PLCE1: variants seen among roughly 807,000 people sequenced by gnomAD.
PLCE1 encodes the protein 1-phosphatidylinositol 4,5-bisphosphate phosphodiesterase epsilon-1.
In PLCE1, 119 loss-of-function variants were observed where a neutral mutation model predicts 242.8. The ratio of observed to expected loss-of-function variants is 0.49; its 90% CI spans 0.42 to 0.57. The LOEUF (loss-of-function observed/expected upper bound fraction) is 0.57. Among genes scored for constraint, PLCE1 ranks in the 20% least tolerant of loss-of-function variants. The pLI is 0.00. For synonymous variants in PLCE1, 945 were observed against 1,017.4 expected (o/e 0.93, Z 1.35); for missense variants, 2,441 against 2,788.8 (o/e 0.88, Z 2.81).
chr10:94,098,595 A>G (rs777848572), intron 2 of PLCE1, among the ~76,000 whole-genome samples: 6 of 152,210 alleles, frequency 3.9e-5, no homozygotes, highest in Non-Finnish European at 8.8e-5. Context: ...CAGGAATCAG[A>G]TGAGGTCCAA....
chr10:94,243,856 A>T (rs1212140532), intron 7 of PLCE1, among the ~76,000 whole-genome samples: 4 of 152,246 alleles, frequency 2.6e-5, no homozygotes, highest in Non-Finnish European at 4.4e-5. Flanking sequence ...CATTTACAGA[A>T]ATGTATGTAT....
intron 1 of PLCE1, among the ~76,000 whole-genome samples, chr10:94,005,741 A>G (rs996217841): frequency 6.6e-6 from 1 of 152,210 alleles, no homozygotes; most frequent in African/African-American, 2.4e-5. Context: ...TAGAACCTTA[A>G]TCAAACCACT....
intron 2 of PLCE1, among the ~76,000 whole-genome samples, chr10:94,077,920 C>T: frequency 6.6e-6 from 1 of 151,980 alleles, no homozygotes; most frequent in East Asian, 1.9e-4. Flanking sequence ...TCTTTTACAC[C>T]CAGAATCCCT....
intron 27 of PLCE1, among the ~76,000 whole-genome samples, chr10:94,309,297 T>G (rs10509671): frequency 0.24 from 35,816 of 151,530 alleles, 4,523 homozygotes; most frequent in Middle Eastern, 0.42. Context: ...CTGTAGAAAG[T>G]GCCATAGTTG....
At chr10:94,108,877 T>G (rs2045853835) in intron 2 of PLCE1, 1 of 152,234 alleles carries the variant, frequency 6.6e-6, no homozygotes, top group Non-Finnish European at 1.5e-5. Flanking sequence ...ACAGCCCTCT[T>G]TGTATGTTAC....
At chr10:94,232,758 G>A (rs2050188402) in intron 5 of PLCE1, among the ~76,000 whole-genome samples, 2 of 152,250 alleles carry the variant, frequency 1.3e-5, no homozygotes, top group Admixed American at 1.3e-4. Flanking sequence ...TCTTTGCACA[G>A]TATCCCCTCC....
At chr10:94,156,577 T>C (rs530342189) in intron 3 of PLCE1, among the ~76,000 whole-genome samples, 1 of 152,290 alleles carries the variant, frequency 6.6e-6, no homozygotes, top group Admixed American at 6.5e-5. Context: ...TCCCAGCACC[T>C]CCTTGTGTTC....
intron 11 of PLCE1, 133 bp downstream of exon 11, chr10:94,255,182 T>A: frequency 9.2e-7 from 1 of 1,084,722 alleles, no homozygotes; most frequent in Non-Finnish European, 1.3e-6. Flanking sequence ...AACTGAAAAA[T>A]CCCAAAATTT....
chr10:94,098,238 T>C (rs2045389566), intron 2 of PLCE1, among the ~76,000 whole-genome samples: 1 of 152,230 alleles, frequency 6.6e-6, no homozygotes, highest in Non-Finnish European at 1.5e-5. Flanking sequence ...AAAAACTTAC[T>C]GTGTAAAATT....
At chr10:94,002,212 A>G (rs1178957128) in intron 1 of PLCE1, among the ~76,000 whole-genome samples, 1 of 152,194 alleles carries the variant, frequency 6.6e-6, no homozygotes, top group Non-Finnish European at 1.5e-5. Context: ...AACTCCAAAA[A>G]TCAATTTCCT....
Position 94,279,859 on chromosome 10 carries a change from A to G in PLCE1, c.4743A>G (p.Glu1581=). ...ACCCCCGACCTGCCAATAATGAGGA[A>G]GAGGAAGATGAGGAGGACGAATATG... ...NANPRPANNE[E]EEDEEDEYDY... is the part of the protein sequence containing the mutation. Residue 1581 remains glutamate (E), a synonymous_variant, in exon 20 of 33, where the codon GAA becomes GAG. Transcript: ENST00000371380. 6.2e-7 allele frequency: 1 copy of G among 1,613,462 alleles called. No homozygotes were observed. Among genetic ancestry groups the G allele is most frequent in the Non-Finnish European group, 8.5e-7 (1 of 1,179,492 alleles).
At chr10:94,184,614 G>A (rs2048412526) in intron 4 of PLCE1, among the ~76,000 whole-genome samples, 1 of 152,188 alleles carries the variant, frequency 6.6e-6, no homozygotes, top group African/African-American at 2.4e-5. Context: ...ATAGGCACGA[G>A]CCACCACGCC....
In PLCE1 at chr10:94,164,634, C is replaced by T. The variant is rs2047730025; in HGVS notation, c.1493-6546C>T. Among the ~76,000 whole-genome samples the T allele has an allele frequency of 2.6e-5, 4 of 152,368 alleles. No individual in the cohort carries two copies. In the South Asian group the frequency reaches 6.2e-4, roughly 24 times the overall value. The stretch of plus-strand genomic sequence containing the variant: ...ATTGTCTGAAGCCTTCTTCTCTCAA[C>T]TCGTCAAAGTCATTCTCCATCCAGC... On this transcript the variant is annotated intron_variant, in intron 3 of 32. Coordinates refer to ENST00000371380, the MANE Select transcript of PLCE1 (RefSeq NM_016341.4).
chr10:94,222,331 C>CTTCATTCATTCA (rs375517855), intron 4 of PLCE1, among the ~76,000 whole-genome samples: 9 of 152,086 alleles, frequency 5.9e-5, no homozygotes, highest in African/African-American at 1.9e-4. Flanking sequence ...AGGAGGTAAG[C>CTTCATTCATTCA]TTCATTCATT....
rs189377516 is a variant in PLCE1, at chr10:94,158,633, A to C, written c.1493-12547A>C. On this transcript the variant is annotated intron_variant, in intron 3 of 32. Coordinates refer to ENST00000371380, the MANE Select transcript of PLCE1 (RefSeq NM_016341.4). ...TTATTATAATGGTAAAAAGTTGTAA[A>C]TATAAGAGCCATCGAAAATCTAATA... Among the ~76,000 whole-genome samples, 59 of 152,230 alleles carry C rather than the reference A, an allele frequency of 3.9e-4. 1 individual carries two copies. The highest frequency in any genetic ancestry group is 6.5e-4 in the Admixed American group (10 of 15,282).
At chr10:94,070,043 C>T (rs187618750) in intron 2 of PLCE1, among the ~76,000 whole-genome samples, 1 of 152,088 alleles carries the variant, frequency 6.6e-6, no homozygotes, top group Non-Finnish European at 1.5e-5. Flanking sequence ...TGTTTTAAAG[C>T]GTGCTTATCA....
At position 94,014,611 on chromosome 10, in the gene PLCE1, C is replaced by T. The variant is rs990246251; in HGVS notation, c.-364-16072C>T. Among the ~76,000 whole-genome samples the T allele has an allele frequency of 7.9e-5, 12 of 152,170 alleles. 1 individual carries two copies. Among genetic ancestry groups the T allele is most frequent in the Admixed American group, 7.2e-4 (11 of 15,282 alleles). On this transcript the variant is annotated intron_variant, in intron 1 of 32. Transcript: ENST00000371380. ...CTCTCTCACAAGATTTTTCATCATC[C>T]TAAGCTGAAACTCCATACCCATTAA... is the stretch of plus-strand genomic sequence containing the variant.
chr10:94,234,263 G>T lies in PLCE1; in HGVS notation c.2165G>T (p.Gly722Val). The T allele has an allele frequency of 6.2e-7, 1 of 1,614,104 alleles. No homozygotes were observed. ...TGTGAAGTGCTTGACGGCGCCTCCG[G>T]TCTCATGAAGCTTTGCCCGCGGTAC... ...ELCEVLDGAS[G>V]LMKLCPRYNS... Residue 722 changes from glycine (G) to valine (V), a missense_variant, in exon 6 of 33, where the codon GGT (glycine) becomes GTT (valine). This residue lies in a region of PLCE1 where 733 missense variants were observed against 754.2 expected (regional missense o/e 0.97). Coordinates refer to ENST00000371380, the MANE Select transcript of PLCE1 (RefSeq NM_016341.4).
At chr10:94,098,913 G>A (rs2045414314) in intron 2 of PLCE1, among the ~76,000 whole-genome samples, 1 of 152,200 alleles carries the variant, frequency 6.6e-6, no homozygotes, top group South Asian at 2.1e-4. Flanking sequence ...GCTGTGCAAG[G>A]GCAGCAAGGA....
Sources: allele counts gnomAD v4.1 joint callset (sites outside exome capture counted in the v4.1 genomes callset), GRCh38; gene constraint gnomAD v4.1.1; regional missense constraint gnomAD v4.1.1; transcripts MANE v1.5; gene names NCBI Gene and HGNC (gene_info 2026-07-23, HGNC 2026-07-21).